Variants in TENM3 observed in about 807,000 individuals in gnomAD.
The protein encoded by TENM3 is teneurin-3.
Under a neutral mutation model 255.1 loss-of-function variants are expected in TENM3, and 63 were observed. The observed-to-expected ratio is 0.25, with a 90% CI of 0.20 to 0.30. TENM3 has a LOEUF of 0.30. Ranked by LOEUF, TENM3 falls within the 10% of genes least tolerant of loss-of-function variation. The pLI, the probability that TENM3 is intolerant of heterozygous loss-of-function variation, is 1.00. For synonymous variants in TENM3, 1,306 were observed against 1,322.3 expected (o/e 0.99, Z 0.27); for missense variants, 2,929 against 3,461.1 (o/e 0.85, Z 3.86).
At chr4:182,637,790 G>A (rs1004912974) in intron 5 of TENM3, among the ~76,000 whole-genome samples, 1 of 152,136 alleles carries the variant, frequency 6.6e-6, no homozygotes, top group African/African-American at 2.4e-5. Flanking sequence ...TGTTTGAAAA[G>A]GAGAAATGTA....
chr4:182,284,497 G>A (rs556577725), intron 1 of TENM3, among the ~76,000 whole-genome samples: 88 of 152,266 alleles, frequency 5.8e-4, no homozygotes, highest in African/African-American at 1.9e-3. Flanking sequence ...TGTTTTCAGC[G>A]TATTGAGGTA....
the TENM3 span, among the ~76,000 whole-genome samples, chr4:181,890,271 G>A: frequency 6.6e-6 from 1 of 152,152 alleles, no homozygotes; most frequent in Non-Finnish European, 1.5e-5. Flanking sequence ...TTAGTTATCA[G>A]CCCAAGGGGT....
chr4:181,855,651 C>T, the TENM3 span, among the ~76,000 whole-genome samples: 1 of 152,152 alleles, frequency 6.6e-6, no homozygotes, highest in African/African-American at 2.4e-5. Context: ...TCATGCTATG[C>T]TAAATTCCTT....
intron 3 of TENM3, among the ~76,000 whole-genome samples, chr4:182,514,149 G>T (rs1737700855): frequency 6.6e-6 from 1 of 152,156 alleles, no homozygotes; most frequent in Admixed American, 6.5e-5. Context: ...TACTCTGCTG[G>T]CCTTACTACA....
chr4:181,974,831 G>A, the TENM3 span, among the ~76,000 whole-genome samples: 1 of 152,144 alleles, frequency 6.6e-6, no homozygotes, highest in South Asian at 2.1e-4. Flanking sequence ...TTTGTTCCAT[G>A]GGTATTACAT....
chr4:181,580,685 G>A, the TENM3 span, among the ~76,000 whole-genome samples: 2 of 152,162 alleles, frequency 1.3e-5, no homozygotes, highest in Non-Finnish European at 2.9e-5. Context: ...GAGAAAGAGA[G>A]AGAGAGGAGA....
At position 182,227,681 on chromosome 4, in the gene TENM3, A is replaced by G. The variant is rs530133742; in HGVS notation, c.-76+82927A>G. Among the ~76,000 whole-genome samples, 162 of 150,390 alleles carry G rather than the reference A, an allele frequency of 1.1e-3. 1 individual carries two copies. The highest frequency in any genetic ancestry group is 3.8e-3 in the African/African-American group (156 of 40,836). On this transcript the variant is annotated intron_variant, in intron 1 of 2. Coordinates refer to the TENM3 transcript ENST00000512480. The stretch of plus-strand genomic sequence containing the variant: ...CTTTTCAACCTTGTTGTCATTTCAA[A>G]ATATTCCTTTTTTCAGTGGCTTCCG...
the TENM3 span, among the ~76,000 whole-genome samples, chr4:182,065,457 C>T: frequency 7.9e-5 from 12 of 152,168 alleles, no homozygotes; most frequent in Non-Finnish European, 1.6e-4. Context: ...AGGGGGAGCA[C>T]GCGCGTCACG....
chr4:182,633,522 G>A (rs1186350817), intron 5 of TENM3, among the ~76,000 whole-genome samples: 1 of 152,208 alleles, frequency 6.6e-6, no homozygotes, highest in Non-Finnish European at 1.5e-5. Flanking sequence ...ATGAACTGGA[G>A]CTTTGTTCAC....
the TENM3 span, among the ~76,000 whole-genome samples, chr4:181,865,115 G>A: frequency 2.0e-5 from 3 of 152,172 alleles, no homozygotes. Context: ...ATTCTTTGGA[G>A]CTTACAGATA....
At chr4:182,250,177 C>T (rs1483614873) in intron 1 of TENM3, among the ~76,000 whole-genome samples, 4 of 151,600 alleles carry the variant, frequency 2.6e-5, no homozygotes, top group Non-Finnish European at 5.9e-5. Flanking sequence ...CTCAGCCTCC[C>T]GAGTAGCTGG....
the TENM3 span, among the ~76,000 whole-genome samples, chr4:181,626,513 T>C: frequency 6.6e-6 from 1 of 151,920 alleles, no homozygotes; most frequent in African/African-American, 2.4e-5. Context: ...GTTACAATCA[T>C]GGCGGAAGGG....
chr4:182,748,371 T>A (rs1762150466), intron 19 of TENM3, among the ~76,000 whole-genome samples: 1 of 152,232 alleles, frequency 6.6e-6, no homozygotes. Flanking sequence ...CTCCAGCTGC[T>A]GGCTGCAGCC....
At position 182,715,331 on chromosome 4, in the gene TENM3, A is replaced by G. The variant is rs373771670; in HGVS notation, c.2368+1098A>G. Among the ~76,000 whole-genome samples, 44 of 152,270 alleles carry G rather than the reference A, an allele frequency of 2.9e-4. 1 individual carries two copies. In the East Asian group the frequency reaches 7.9e-3, roughly 27 times the overall value. Reference sequence around the variant, plus strand: ...AACCATTCTCTCTGCTCTTTTTGAGACTGTGCACATGGATGATAAAGCACT... The same window carrying G: ...AACCATTCTCTCTGCTCTTTTTGAGGCTGTGCACATGGATGATAAAGCACT... On this transcript the variant is annotated intron_variant, in intron 13 of 27. Coordinates refer to ENST00000511685, the MANE Select transcript of TENM3 (RefSeq NM_001080477.4).
the TENM3 span, among the ~76,000 whole-genome samples, chr4:181,924,533 T>C: frequency 6.6e-6 from 1 of 152,250 alleles, no homozygotes; most frequent in Non-Finnish European, 1.5e-5. Flanking sequence ...TGGAATATTA[T>C]GTTATGCTAC....
At chr4:181,973,791 T>C in the TENM3 span, among the ~76,000 whole-genome samples, 1 of 151,978 alleles carries the variant, frequency 6.6e-6, no homozygotes, top group Non-Finnish European at 1.5e-5. Flanking sequence ...ATAAGTAGAA[T>C]ACAGTCAATG....
chr4:182,634,241 T>G (rs1751648982), intron 5 of TENM3, among the ~76,000 whole-genome samples: 1 of 152,196 alleles, frequency 6.6e-6, no homozygotes, highest in African/African-American at 2.4e-5. Flanking sequence ...TAAATTGTGC[T>G]GTTTTTCATT....
At chr4:181,571,206 G>A in the TENM3 span, among the ~76,000 whole-genome samples, 1 of 152,178 alleles carries the variant, frequency 6.6e-6, no homozygotes, top group Non-Finnish European at 1.5e-5. Context: ...GGAAGCTGGA[G>A]GCGGGAAAGT....
intron 22 of TENM3, among the ~76,000 whole-genome samples, chr4:182,764,457 G>A (rs1763500139): frequency 6.6e-6 from 1 of 152,190 alleles, no homozygotes; most frequent in Admixed American, 6.5e-5. Context: ...GACAGGCCGT[G>A]GAGGTACAGA....
Sources: gnomAD v4.1 joint callset for allele counts (sites outside exome capture counted in the v4.1 genomes callset) on GRCh38, gnomAD v4.1.1 for gene constraint, MANE v1.5 for transcripts, NCBI Gene and HGNC (gene_info 2026-07-23, HGNC 2026-07-21) for gene names.